SPHKAP: variants seen among roughly 807,000 people sequenced by gnomAD.
The protein encoded by SPHKAP is A-kinase anchor protein SPHKAP.
Under a neutral mutation model 137.5 loss-of-function variants are expected in SPHKAP, and 67 were observed. The ratio of observed to expected loss-of-function variants is 0.49; its 90% CI spans 0.40 to 0.60. The LOEUF is 0.60. SPHKAP is among the 20% of genes least tolerant of loss of function. SPHKAP has a pLI of 0.00. For missense variants in SPHKAP, 2,097 were observed against 2,069.3 expected, an observed-to-expected ratio of 1.01 and a Z score of -0.26; for synonymous variants, 813 against 785.3, an observed-to-expected ratio of 1.04 and a Z score of -0.59.
chr2:228,165,046 T>TTATATTG (rs1700384691), intron 1 of SPHKAP, among the ~76,000 whole-genome samples: 1 of 152,196 alleles, frequency 6.6e-6, no homozygotes, highest in Non-Finnish European at 1.5e-5. Context: ...GGATCAATAT[T>TTATATTG]AGTACTGAAT....
chr2:228,154,506 CTCTCTCTATATATA>C (rs1436508454), intron 1 of SPHKAP, among the ~76,000 whole-genome samples: 5 of 29,904 alleles, frequency 1.7e-4, no homozygotes, highest in Non-Finnish European at 1.9e-4. Context: ...CTCTCTCTCT[CTCTCTCTATATATA>C]TATATATATA....
intron 3 of SPHKAP, among the ~76,000 whole-genome samples, chr2:228,076,013 G>A (rs546133219): frequency 2.0e-5 from 3 of 152,240 alleles, no homozygotes; most frequent in East Asian, 3.9e-4. Context: ...AATTATGGGG[G>A]CAGGTCTTTT....
At chr2:228,138,489 G>A (rs2106383160) in intron 1 of SPHKAP, among the ~76,000 whole-genome samples, 1 of 151,848 alleles carries the variant, frequency 6.6e-6, no homozygotes, top group Non-Finnish European at 1.5e-5. Context: ...TCTTTCCTAG[G>A]TTGGACATGT....
chr2:228,025,824 C>G (rs1218190738), intron 4 of SPHKAP: 2 of 965,338 alleles, frequency 2.1e-6, no homozygotes, highest in African/African-American at 1.8e-5. Context: ...CAGGTATAAA[C>G]AGTAACTTGG....
At chr2:228,003,020 CT>C (rs1693970237) in intron 7 of SPHKAP, among the ~76,000 whole-genome samples, 2 of 152,150 alleles carry the variant, frequency 1.3e-5, no homozygotes, top group Non-Finnish European at 2.9e-5. Flanking sequence ...CAGCTTTGTT[CT>C]TTTGGCTTAG....
chr2:228,030,163 G>C (rs1304739187), intron 3 of SPHKAP, among the ~76,000 whole-genome samples: 2 of 152,136 alleles, frequency 1.3e-5, no homozygotes, highest in Non-Finnish European at 2.9e-5. Context: ...TCATAGTAGG[G>C]GATGATCCAG....
chr2:228,150,427 T>C (rs868674840), intron 1 of SPHKAP, among the ~76,000 whole-genome samples: 9 of 152,294 alleles, frequency 5.9e-5, no homozygotes, highest in African/African-American at 1.9e-4. Flanking sequence ...TGTTAGAAGG[T>C]TTTTGATCAC....
At chr2:228,154,341 A>C (rs764400994) in intron 1 of SPHKAP, among the ~76,000 whole-genome samples, 5 of 151,018 alleles carry the variant, frequency 3.3e-5, no homozygotes, top group Non-Finnish European at 7.4e-5. Flanking sequence ...TATTAGGGAG[A>C]TTTTATAGAA....
intron 3 of SPHKAP, among the ~76,000 whole-genome samples, chr2:228,101,996 A>T (rs1181481192): frequency 6.6e-6 from 1 of 152,226 alleles, no homozygotes; most frequent in African/African-American, 2.4e-5. Context: ...TACTGTGTGT[A>T]CATTAACATT....
At chr2:227,984,995 G>A (rs924515833) in intron 11 of SPHKAP, among the ~76,000 whole-genome samples, 2 of 152,138 alleles carry the variant, frequency 1.3e-5, no homozygotes, top group Non-Finnish European at 2.9e-5. Context: ...AAGAATCAAA[G>A]CTCTGGAGCA....
intron 1 of SPHKAP, among the ~76,000 whole-genome samples, chr2:228,147,769 A>G (rs1279172388): frequency 2.6e-5 from 4 of 152,314 alleles, no homozygotes; most frequent in African/African-American, 9.6e-5. Context: ...TGCCCCAATC[A>G]TTGTGACAGG....
Position 228,020,178 on chromosome 2 carries a change from G to A in SPHKAP, c.698-22C>T, listed in dbSNP as rs746036472. ...TAATCTAGTGAGGAGAAAATGAGGG[G>A]CACTATTACTTTTTGGATAGCAGGT... On this transcript the variant is annotated intron_variant, in intron 6 of 11. Coordinates refer to ENST00000392056, the MANE Select transcript of SPHKAP (RefSeq NM_001142644.2). 29 of 1,552,386 alleles carry A rather than the reference G, an allele frequency of 1.9e-5. No homozygotes were observed. In the East Asian group the frequency reaches 5.2e-4, roughly 28 times the overall value.
At chr2:228,056,152 C>T (rs1033789154) in intron 3 of SPHKAP, among the ~76,000 whole-genome samples, 1 of 152,234 alleles carries the variant, frequency 6.6e-6, no homozygotes, top group African/African-American at 2.4e-5. Flanking sequence ...TGAGCCTCTC[C>T]TTCATCACCA....
rs1282325856 is a variant in SPHKAP at position 227,991,307 on chromosome 2, T to C, written c.4741A>G (p.Lys1581Glu). The change falls in exon 10 of 12, where the codon AAG becomes GAG. Residue 1581 changes from lysine to glutamate, a missense_variant. Coordinates refer to ENST00000392056, the MANE Select transcript of SPHKAP (RefSeq NM_001142644.2). ...CTTTCTGACTGTCCTTTAAGAATCT[T>C]CTTTTCTTCTACTAATTCACTTTGG... The part of the protein sequence containing the change: ...PMINELVEEK[K>E]ILKGQSESTE... 3 of 1,614,244 alleles carry C rather than the reference T, an allele frequency of 1.9e-6. No homozygotes were observed. Among genetic ancestry groups the C allele is most frequent in the Non-Finnish European group, 8.5e-7 (1 of 1,180,026 alleles).
intron 3 of SPHKAP, among the ~76,000 whole-genome samples, chr2:228,092,245 G>A (rs182554543): frequency 6.3e-5 from 9 of 143,764 alleles, no homozygotes; most frequent in East Asian, 4.1e-4. Context: ...GTATACACAC[G>A]TGTATATGTG....
intron 2 of SPHKAP, among the ~76,000 whole-genome samples, chr2:228,117,790 C>A (rs1022545838): frequency 8.6e-5 from 13 of 151,756 alleles, no homozygotes; most frequent in African/African-American, 3.1e-4. Flanking sequence ...TATCCTAAGT[C>A]CCAGCCCCTG....
chr2:228,031,972 C>T (rs577373956), intron 3 of SPHKAP, among the ~76,000 whole-genome samples: 19 of 152,262 alleles, frequency 1.2e-4, no homozygotes, highest in East Asian at 5.8e-4. Context: ...AAAAGCAGAG[C>T]GCCTCTCCTC....
chr2:228,086,077 C>G lies in SPHKAP; in HGVS notation c.246+22755G>C, dbSNP rs2106320641. 2.0e-5 allele frequency among the ~76,000 whole-genome samples: 3 copies of G among 152,026 alleles called. No homozygotes were observed. The East Asian group carries it at 5.8e-4, about 29-fold the overall frequency. On this transcript the variant is annotated intron_variant, in intron 3 of 11. Coordinates refer to ENST00000392056, the MANE Select transcript of SPHKAP (RefSeq NM_001142644.2). ...GGCATGTAATATGAAGTGAAAAGAA[C>G]TGGAAATGGAGAAAGTAGTGAGTTT...
intron 3 of SPHKAP, among the ~76,000 whole-genome samples, chr2:228,061,955 C>T (rs1253106031): frequency 6.6e-6 from 1 of 151,904 alleles, no homozygotes; most frequent in African/African-American, 2.4e-5. Flanking sequence ...AAACTGGTAC[C>T]CTCAGTTTAA....
Sources: allele counts gnomAD v4.1 joint callset (sites outside exome capture counted in the v4.1 genomes callset), GRCh38; gene constraint gnomAD v4.1.1; transcripts MANE v1.5; gene names NCBI Gene and HGNC (gene_info 2026-07-23, HGNC 2026-07-21).